Variants in PTPRD observed in about 807,000 individuals in gnomAD.
PTPRD encodes receptor-type tyrosine-protein phosphatase delta.
PTPRD carries 34 observed loss-of-function variants against 214.5 expected under a neutral mutation model. The observed-to-expected ratio is 0.16, with a 90% CI of 0.12 to 0.21. PTPRD has a LOEUF of 0.21. PTPRD is among the 10% of genes least tolerant of loss of function. The pLI is 1.00. For missense variants in PTPRD, 2,545 were observed against 2,398.7 expected, an observed-to-expected ratio of 1.06 and a Z score of -1.27; for synonymous variants, 1,128 against 845.7, an observed-to-expected ratio of 1.33 and a Z score of -5.79.
intron 2 of PTPRD, among the ~76,000 whole-genome samples, chr9:10,521,568 A>G (rs2052299115): frequency 6.6e-6 from 1 of 152,216 alleles, no homozygotes; most frequent in African/African-American, 2.4e-5. Flanking sequence ...ATCAGAGAGC[A>G]TTGCATGCTG....
intron 10 of PTPRD, among the ~76,000 whole-genome samples, chr9:9,135,265 A>C (rs1413281021): frequency 1.3e-5 from 2 of 152,248 alleles, no homozygotes; most frequent in East Asian, 3.8e-4. Flanking sequence ...TCTGGCACCT[A>C]GTATGATACT....
intron 5 of PTPRD, among the ~76,000 whole-genome samples, chr9:9,884,639 T>C (rs1223294052): frequency 6.6e-6 from 1 of 152,090 alleles, no homozygotes; most frequent in Non-Finnish European, 1.5e-5. Flanking sequence ...CCAAATCTCA[T>C]TTTGAGTTAT....
chr9:10,022,436 C>A (rs1281134008), intron 4 of PTPRD, among the ~76,000 whole-genome samples: 1 of 150,580 alleles, frequency 6.6e-6, no homozygotes, highest in Non-Finnish European at 1.5e-5. Flanking sequence ...TGAATGAAAG[C>A]AACAGAGAAT....
At chr9:10,179,913 T>C (rs1358432508) in intron 3 of PTPRD, among the ~76,000 whole-genome samples, 1 of 152,070 alleles carries the variant, frequency 6.6e-6, no homozygotes, top group Non-Finnish European at 1.5e-5. Context: ...CAAAATTAAA[T>C]TTGATAATCT....
intron 2 of PTPRD, among the ~76,000 whole-genome samples, chr9:10,560,291 A>C (rs573498753): frequency 8.0e-4 from 122 of 152,266 alleles, no homozygotes; most frequent in Middle Eastern, 6.8e-3. Flanking sequence ...CATCATTCTC[A>C]GTAAACTATT....
intron 2 of PTPRD, among the ~76,000 whole-genome samples, chr9:10,358,337 T>G (rs2097315080): frequency 1.3e-5 from 2 of 152,016 alleles, no homozygotes; most frequent in Non-Finnish European, 2.9e-5. Context: ...TGAACCTATT[T>G]GGGAATAAAG....
intron 7 of PTPRD, among the ~76,000 whole-genome samples, chr9:9,629,241 T>TAC (rs1412851102): frequency 2.8e-5 from 4 of 140,892 alleles, no homozygotes; most frequent in Non-Finnish European, 6.4e-5. Flanking sequence ...TGTGTGTGTA[T>TAC]ATATATATAT....
At chr9:9,268,922 G>A (rs559269249) in intron 9 of PTPRD, among the ~76,000 whole-genome samples, 41 of 147,566 alleles carry the variant, frequency 2.8e-4, no homozygotes, top group African/African-American at 9.9e-4. Context: ...AAACATAGAA[G>A]AAAAGCTCCA....
intron 6 of PTPRD, among the ~76,000 whole-genome samples, chr9:9,764,009 T>C (rs1221397131): frequency 2.6e-5 from 4 of 152,132 alleles, no homozygotes; most frequent in Non-Finnish European, 5.9e-5. Context: ...ATTTATTTTA[T>C]ATTTGCACGA....
chr9:8,577,896 C>G (rs1274707600), intron 14 of PTPRD, among the ~76,000 whole-genome samples: 1 of 152,134 alleles, frequency 6.6e-6, no homozygotes, highest in Non-Finnish European at 1.5e-5. Context: ...CTGATGCGTA[C>G]TGATGTTTAA....
chr9:8,330,718 T>G (rs1426182443), intron 44 of PTPRD, among the ~76,000 whole-genome samples: 2 of 152,130 alleles, frequency 1.3e-5, no homozygotes, highest in Non-Finnish European at 2.9e-5. Flanking sequence ...GAATTGAGAT[T>G]AGAACACAGC....
intron 6 of PTPRD, among the ~76,000 whole-genome samples, chr9:9,763,085 C>A (rs1238280257): frequency 6.6e-6 from 1 of 152,148 alleles, no homozygotes; most frequent in African/African-American, 2.4e-5. Context: ...CCAATTCTAT[C>A]AAATTAGGAT....
intron 2 of PTPRD, among the ~76,000 whole-genome samples, chr9:10,514,974 G>C (rs897798031): frequency 6.6e-6 from 1 of 152,000 alleles, no homozygotes; most frequent in Admixed American, 6.6e-5. Context: ...ATTTTTATCA[G>C]ATTCAATTGT....
Position 9,931,250 on chromosome 9 carries a change from G to A in PTPRD, c.-368+7257C>T, listed in dbSNP as rs548268882. Among the ~76,000 whole-genome samples, 142 of 152,266 alleles carry A rather than the reference G, an allele frequency of 9.3e-4. 1 individual carries two copies. The highest frequency in any genetic ancestry group is 2.1e-3 in the African/African-American group (89 of 41,574). The stretch of plus-strand genomic sequence containing the variant: ...AAGATGGCCGAATAGGAACAGCTCC[G>A]GTCTACAGCTCCCAGCGTGAGCGAC... On this transcript the variant is annotated intron_variant, in intron 5 of 45. Transcript: ENST00000381196.
At chr9:9,195,716 CAAA>C (rs373628761) in intron 9 of PTPRD, among the ~76,000 whole-genome samples, 1 of 130,246 alleles carries the variant, frequency 7.7e-6, no homozygotes, top group Non-Finnish European at 1.7e-5. Flanking sequence ...TTTTTAAATG[CAAA>C]AAAAAAAAAA....
chr9:9,962,581 T>C (rs1391000974), intron 4 of PTPRD, among the ~76,000 whole-genome samples: 4 of 152,134 alleles, frequency 2.6e-5, no homozygotes, highest in African/African-American at 7.2e-5. Context: ...GTTGCCCTTT[T>C]TTTCTACAAC....
At chr9:9,947,521 ATT>A (rs1491452825) in intron 4 of PTPRD, among the ~76,000 whole-genome samples, 11 of 23,642 alleles carry the variant, frequency 4.7e-4, no homozygotes, top group Admixed American at 1.8e-3. Flanking sequence ...TAATATATAT[ATT>A]ATATATATTT....
chr9:9,877,053 C>A (rs914848950), intron 5 of PTPRD, among the ~76,000 whole-genome samples: 1 of 152,044 alleles, frequency 6.6e-6, no homozygotes, highest in East Asian at 1.9e-4. Flanking sequence ...CTTTTTGATG[C>A]CTGAATGCTA....
intron 5 of PTPRD, among the ~76,000 whole-genome samples, chr9:9,894,161 G>C (rs1023196708): frequency 1.3e-5 from 2 of 151,966 alleles, no homozygotes; most frequent in Non-Finnish European, 2.9e-5. Context: ...ATATCTCCAA[G>C]ATAATATCTA....
Sources: gnomAD v4.1 joint callset for allele counts (sites outside exome capture counted in the v4.1 genomes callset) on GRCh38, gnomAD v4.1.1 for gene constraint, MANE v1.5 for transcripts, NCBI Gene and HGNC (gene_info 2026-07-23, HGNC 2026-07-21) for gene names.